Variants in UCKL1 observed in about 807,000 individuals in gnomAD.
UCKL1 encodes uridine-cytidine kinase-like 1.
In UCKL1, 65 loss-of-function variants were observed where a neutral mutation model predicts 59.2. That is an observed-to-expected ratio of 1.10 (90% CI 0.90 to 1.35). The LOEUF (loss-of-function observed/expected upper bound fraction) is 1.35, where lower values mean the gene tolerates loss of function less well. UCKL1 is among the 40% of genes most tolerant of loss of function. The pLI is 0.00. For missense variants in UCKL1, 703 were observed against 784.3 expected, an observed-to-expected ratio of 0.90 and a Z score of 1.24; for synonymous variants, 410 against 323.1, an observed-to-expected ratio of 1.27 and a Z score of -2.88.
At chr20:63,955,989 C>T (rs917882434) in intron 1 of UCKL1, 6 of 326,188 alleles carry the variant, frequency 1.8e-5, no homozygotes, top group Admixed American at 5.2e-5. Flanking sequence ...CCCCACCCAC[C>T]GGGGGCAGAG....
rs1407042391 is a variant in UCKL1, at chr20:63,956,339, G to A, written c.34C>T (p.Pro12Ser). 1 of 1,549,372 alleles carries A rather than the reference G, an allele frequency of 6.5e-7. No homozygotes were observed. The highest frequency in any genetic ancestry group is 8.7e-7 in the Non-Finnish European group (1 of 1,151,036). The stretch of plus-strand genomic sequence containing the variant: ...GCCGTAGGTGGCGACGTGGGCGAAG[G>A]ATCAGCGTCCGCGCGGGCCGGGGGC... ...AAPPARADAD[P>S]SPTSPPTARD... The change falls in exon 1 of 15, where the codon CCT becomes TCT. Residue 12 changes from proline (P) to serine (S), a missense_variant. Pro to Ser is a moderately conservative substitution (Grantham distance 74). This residue lies in a region of UCKL1 where 398 missense variants were observed against 373.0 expected (regional missense o/e 1.07). Coordinates refer to ENST00000354216, the MANE Select transcript of UCKL1 (RefSeq NM_017859.4).
chr20:63,951,323 G>A (rs998832803), intron 1 of UCKL1: 3 of 514,446 alleles, frequency 5.8e-6, no homozygotes. Flanking sequence ...GCCTAGGACC[G>A]CAGGCCTGCG....
rs781356780 is a variant in UCKL1 at position 63,940,177 on chromosome 20, C to A, written c.1540G>T (p.Asp514Tyr). The A allele has an allele frequency of 1.9e-6, 3 of 1,612,734 alleles. No homozygotes were observed. Among genetic ancestry groups the A allele is most frequent in the Non-Finnish European group, 2.5e-6 (3 of 1,179,988 alleles). The stretch of plus-strand genomic sequence containing the variant: ...ATGCCTGGGATGATGCGGAAAAGGT[C>A]ATTGACCCGCTTGTCCACCGCCGTG... ...ITTAVDKRVN[D>Y]LFRIIPGIGN... The change falls in exon 14 of 15, where the codon GAC becomes TAC. Residue 514 changes from aspartate to tyrosine, a missense_variant. Asp to Tyr is a radical substitution (Grantham distance 160). Around this residue, in one of 4 missense-constraint regions of UCKL1, gnomAD observed 124 missense variants for 161.1 expected, o/e 0.77. Transcript: ENST00000354216.
intron 10 of UCKL1, 32 bp from the exon 11 acceptor site, chr20:63,940,888 C>T (rs1405882038): frequency 3.3e-6 from 5 of 1,525,206 alleles, no homozygotes; most frequent in East Asian, 2.3e-5. Flanking sequence ...CTCCGGTGAG[C>T]GCAGGGAGCT....
At chr20:63,956,206 G>C (rs1023534005) in intron 1 of UCKL1, 54 bp downstream of exon 1, 56 of 1,424,240 alleles carry the variant, frequency 3.9e-5, no homozygotes, top group Non-Finnish European at 4.8e-5. Flanking sequence ...AGCTCGGCCG[G>C]ATCTGCAGCC....
chr20:63,946,981 G>C (rs1367397348), intron 1 of UCKL1, among the ~76,000 whole-genome samples: 1 of 152,092 alleles, frequency 6.6e-6, no homozygotes, highest in Non-Finnish European at 1.5e-5. Context: ...CTACTAGGGA[G>C]GCTGAGGCAG....
At chr20:63,949,291 G>A (rs1009656330) in intron 1 of UCKL1, among the ~76,000 whole-genome samples, 1 of 152,174 alleles carries the variant, frequency 6.6e-6, no homozygotes, top group African/African-American at 2.4e-5. Flanking sequence ...GGCGAGGGCG[G>A]CCCGGGGGAC....
chr20:63,942,678 G>A (rs1486943963), intron 8 of UCKL1: 2 of 501,870 alleles, frequency 4.0e-6, no homozygotes, highest in Non-Finnish European at 8.3e-6. Context: ...CCCGACCAAG[G>A]CTTCCTGGGG....
At chr20:63,949,751 G>A (rs2057298468) in intron 1 of UCKL1, among the ~76,000 whole-genome samples, 1 of 152,224 alleles carries the variant, frequency 6.6e-6, no homozygotes, top group Non-Finnish European at 1.5e-5. Context: ...CCTCAGGGAG[G>A]AAGCCCCGAC....
chr20:63,946,411 G>A (rs1312810586), intron 2 of UCKL1, 42 bp downstream of exon 2: 1 of 1,512,624 alleles, frequency 6.6e-7, no homozygotes, highest in Non-Finnish European at 8.9e-7. Flanking sequence ...GGAGCCGGAG[G>A]CAGGCGTCCG....
chr20:63,941,953 CG>C (rs1488618498), intron 8 of UCKL1, among the ~76,000 whole-genome samples: 1 of 141,700 alleles, frequency 7.1e-6, no homozygotes, highest in Non-Finnish European at 1.5e-5. Flanking sequence ...AGGCAGGGCA[CG>C]GAATTGGGTG....
chr20:63,953,355 G>C (rs1372921889), intron 1 of UCKL1: 1 of 151,558 alleles, frequency 6.6e-6, no homozygotes, highest in African/African-American at 2.4e-5. Context: ...ATCCAGCCTG[G>C]GCAACAAGAG....
intron 1 of UCKL1, chr20:63,948,555 G>GGAGGCGTGTGTGAGAGGGA (rs1246900660): frequency 2.0e-5 from 1 of 50,352 alleles, no homozygotes; most frequent in South Asian, 8.7e-4. Context: ...GTGTGAGGAG[G>GGAGGCGTGTGTGAGAGGGA]GAGGCGTGTG....
At position 63,940,946 on chromosome 20, in the gene UCKL1, G is replaced by T. The variant is rs942655549; in HGVS notation, c.1116+4C>A. ...CTCCACCTCGCGGGCTACGGGCTAC[G>T]AACCTGAAAGGGCAGGAAGGAGAGC... On this transcript the variant is annotated splice_donor_region_variant and intron_variant, in intron 10 of 14. Transcript: ENST00000354216. 2 of 1,521,780 alleles carry T rather than the reference G, an allele frequency of 1.3e-6. No individual in the cohort carries two copies. The highest frequency in any genetic ancestry group is 1.8e-6 in the Non-Finnish European group (2 of 1,133,446). 94.3% of individuals were successfully genotyped at this position (1,521,780 alleles called of 1,614,324 possible).
intron 1 of UCKL1, among the ~76,000 whole-genome samples, chr20:63,948,879 A>G (rs1257279483): frequency 6.6e-6 from 1 of 152,002 alleles, no homozygotes. Context: ...TGGCATCTCC[A>G]GCGTGGGAAC....
chr20:63,940,187 C>T lies in UCKL1; in HGVS notation c.1530G>A (p.Lys510=). The T allele has an allele frequency of 6.2e-7, 1 of 1,612,772 alleles. No individual in the cohort carries two copies. The highest frequency in any genetic ancestry group is 8.5e-7 in the Non-Finnish European group (1 of 1,179,984). ...TGATGCGGAAAAGGTCATTGACCCG[C>T]TTGTCCACCGCCGTGGTGATGATTC... The part of the protein sequence containing the change: ...RVRIITTAVD[K]RVNDLFRIIP... Residue 510 remains lysine, a synonymous_variant, in exon 14 of 15, where the codon AAG becomes AAA. Transcript: ENST00000354216.
Position 63,956,358 on chromosome 20 carries a change from CG to C in UCKL1, c.14del (p.Pro5ArgfsTer113). 5.2e-6 allele frequency: 8 copies of C among 1,531,130 alleles called. No homozygotes were observed. The highest frequency in any genetic ancestry group is 2.7e-5 in the East Asian group (1 of 37,206). 94.8% of individuals were successfully genotyped at this position (1,531,130 alleles called of 1,614,324 possible). Reference protein sequence around the residue: MAAPPARADADPSPT... With the variant: MAAPXARADADPSPT... ...GCGAAGGATCAGCGTCCGCGCGGGC[CG>C]GGGGCGCAGCCATGGCGCTCGGAGG... is the stretch of plus-strand genomic sequence containing the variant. On this transcript the variant is annotated frameshift_variant, in exon 1 of 15. Transcript: ENST00000354216. LOFTEE classifies it high-confidence loss of function.
At chr20:63,941,607 A>C in intron 8 of UCKL1, 1 of 235,980 alleles carries the variant, frequency 4.2e-6, no homozygotes, top group Non-Finnish European at 9.4e-6. Context: ...GGGGGAACTA[A>C]AGCTTTGTGG....
At chr20:63,956,134 G>T in intron 1 of UCKL1, 126 bp downstream of exon 1, 2 of 942,440 alleles carry the variant, frequency 2.1e-6, no homozygotes, top group Non-Finnish European at 2.9e-6. Flanking sequence ...AGAACGGGGC[G>T]CCGCCGCCTG....
Sources: gnomAD v4.1 joint callset for allele counts (sites outside exome capture counted in the v4.1 genomes callset) on GRCh38, gnomAD v4.1.1 for gene constraint, gnomAD v4.1.1 regional missense constraint, MANE v1.5 for transcripts, NCBI Gene and HGNC (gene_info 2026-07-23, HGNC 2026-07-21) for gene names.